ITGBL1: variants seen among roughly 807,000 people sequenced by gnomAD.
ITGBL1 encodes the protein integrin subunit beta like 1, also known as integrin beta-like protein 1.
Under a neutral mutation model 68.5 loss-of-function variants are expected in ITGBL1, and 51 were observed. The observed-to-expected ratio is 0.74, with a 90% CI of 0.59 to 0.94. The LOEUF (loss-of-function observed/expected upper bound fraction) is 0.94. ITGBL1 is among the 40% of genes least tolerant of loss of function. The pLI is 0.00. For synonymous variants in ITGBL1, 209 were observed against 227.3 expected, an observed-to-expected ratio of 0.92 and a Z score of 0.72; for missense variants, 649 against 647.4, an observed-to-expected ratio of 1.00 and a Z score of -0.03.
intron 2 of ITGBL1, among the ~76,000 whole-genome samples, chr13:101,529,211 G>A (rs886629542): frequency 1.3e-5 from 2 of 151,688 alleles, no homozygotes; most frequent in African/African-American, 4.8e-5. Context: ...GAGAGAAATT[G>A]AAACGTGGAA....
intron 2 of ITGBL1, among the ~76,000 whole-genome samples, chr13:101,522,277 A>T (rs2049299038): frequency 6.6e-6 from 1 of 152,194 alleles, no homozygotes; most frequent in South Asian, 2.1e-4. Context: ...ATGTAGCATT[A>T]AAAAATGTCT....
intron 1 of ITGBL1, among the ~76,000 whole-genome samples, chr13:101,453,366 C>T (rs2048190472): frequency 6.6e-6 from 1 of 152,082 alleles, no homozygotes; most frequent in African/African-American, 2.4e-5. Context: ...AAGTAGAGTT[C>T]CTAAAGACTG....
chr13:101,552,943 G>C (rs1422740821), intron 2 of ITGBL1, among the ~76,000 whole-genome samples: 3 of 152,170 alleles, frequency 2.0e-5, no homozygotes, highest in African/African-American at 4.8e-5. Context: ...CTTCTCCTCA[G>C]GCATAATTTG....
At chr13:101,599,443 A>T (rs1352234429) in intron 7 of ITGBL1, among the ~76,000 whole-genome samples, 1 of 151,142 alleles carries the variant, frequency 6.6e-6, no homozygotes, top group Admixed American at 6.6e-5. Flanking sequence ...TAGTTTAATT[A>T]GATCCCATTT....
chr13:101,617,496 G>T (rs895963848), intron 7 of ITGBL1, among the ~76,000 whole-genome samples: 4 of 152,086 alleles, frequency 2.6e-5, no homozygotes, highest in African/African-American at 7.2e-5. Context: ...ATGCTCATAT[G>T]AGTACAACCT....
intron 7 of ITGBL1, among the ~76,000 whole-genome samples, chr13:101,657,368 G>A (rs1566778781): frequency 2.6e-5 from 4 of 152,216 alleles, no homozygotes; most frequent in Admixed American, 6.5e-5. Flanking sequence ...AATCAATGAT[G>A]ATATGCTAGC....
rs117009410 is a variant in ITGBL1 at position 101,608,423 on chromosome 13, A to G, written c.1015+10124A>G. Among the ~76,000 whole-genome samples the G allele has an allele frequency of 5.5e-3, 817 of 149,192 alleles. 4 individuals are homozygous for G. Among genetic ancestry groups the G allele is most frequent in the Non-Finnish European group, 8.3e-3 (557 of 67,352 alleles). On this transcript the variant is annotated intron_variant, in intron 7 of 10. Transcript: ENST00000376180. ...TGTTTTTTACTCTATGTAATTTTGG[A>G]CAGCTGAATCATTACCTTTCTTATT...
At chr13:101,465,042 T>G (rs2048365359) in intron 2 of ITGBL1, among the ~76,000 whole-genome samples, 1 of 152,212 alleles carries the variant, frequency 6.6e-6, no homozygotes, top group Non-Finnish European at 1.5e-5. Context: ...TTTGGGTGAT[T>G]CATAATTGGA....
chr13:101,505,071 C>A (rs2049005803), intron 2 of ITGBL1, among the ~76,000 whole-genome samples: 2 of 152,148 alleles, frequency 1.3e-5, no homozygotes, highest in Admixed American at 1.3e-4. Flanking sequence ...TCTCTCAAGC[C>A]TCCCTACTTA....
rs573140729 is a variant in ITGBL1, at chr13:101,520,703, C to T, written c.317-46996C>T. On this transcript the variant is annotated intron_variant, in intron 2 of 10. Transcript: ENST00000376180. ...GCCTCGCTGGAACCAAGGGATTTAG[C>T]AAATGCTAGGAAAGAAAAGCAAGTT... 2.6e-5 allele frequency among the ~76,000 whole-genome samples: 4 copies of T among 152,264 alleles called. No individual in the cohort carries two copies. In the South Asian group the frequency reaches 8.3e-4, roughly 32 times the overall value.
At chr13:101,465,065 T>C (rs747965560) in intron 2 of ITGBL1, among the ~76,000 whole-genome samples, 26 of 152,240 alleles carry the variant, frequency 1.7e-4, no homozygotes, top group Non-Finnish European at 3.7e-4. Flanking sequence ...CTTTTTTCAC[T>C]ATGGAGTTAA....
intron 2 of ITGBL1, among the ~76,000 whole-genome samples, chr13:101,545,127 C>T (rs1317177523): frequency 2.0e-5 from 3 of 152,202 alleles, no homozygotes; most frequent in African/African-American, 4.8e-5. Flanking sequence ...CAAAAATCGC[C>T]CATCTTCTGC....
chr13:101,646,801 A>G (rs759631067), intron 7 of ITGBL1, among the ~76,000 whole-genome samples: 12 of 152,186 alleles, frequency 7.9e-5, no homozygotes, highest in Non-Finnish European at 1.8e-4. Flanking sequence ...AAACTTTTCA[A>G]AGGACAGTGA....
At chr13:101,625,293 T>C (rs753233516) in intron 7 of ITGBL1, among the ~76,000 whole-genome samples, 5 of 152,214 alleles carry the variant, frequency 3.3e-5, no homozygotes, top group Non-Finnish European at 5.9e-5. Flanking sequence ...TAGTTATAAA[T>C]GGGTGGATTC....
intron 2 of ITGBL1, among the ~76,000 whole-genome samples, chr13:101,511,548 G>C (rs2139111659): frequency 6.6e-6 from 1 of 152,222 alleles, no homozygotes; most frequent in Non-Finnish European, 1.5e-5. Context: ...AATTTTACTG[G>C]GTGGGGTTGA....
At chr13:101,583,109 G>GT (rs1306977756) in intron 5 of ITGBL1, 107 bp from the exon 6 acceptor site, 16 of 1,154,588 alleles carry the variant, frequency 1.4e-5, no homozygotes, top group African/African-American at 9.2e-5. Context: ...GAATATATGT[G>GT]TTTTTTTCAA....
At chr13:101,629,781 C>A (rs923972748) in intron 7 of ITGBL1, among the ~76,000 whole-genome samples, 1 of 151,982 alleles carries the variant, frequency 6.6e-6, no homozygotes, top group Non-Finnish European at 1.5e-5. Context: ...ATATAGACAG[C>A]CCCATTTTCC....
At chr13:101,630,289 T>G (rs1241823303) in intron 7 of ITGBL1, among the ~76,000 whole-genome samples, 1 of 152,242 alleles carries the variant, frequency 6.6e-6, no homozygotes, top group African/African-American at 2.4e-5. Context: ...ATATTTATTT[T>G]GAAAATAAAA....
At chr13:101,650,345 T>C (rs906692068) in intron 7 of ITGBL1, among the ~76,000 whole-genome samples, 25 of 152,176 alleles carry the variant, frequency 1.6e-4, no homozygotes, top group Non-Finnish European at 3.7e-4. Context: ...ATATACATTT[T>C]TTTTTCTTGT....
Sources: gnomAD v4.1 joint callset for allele counts (sites outside exome capture counted in the v4.1 genomes callset) on GRCh38, gnomAD v4.1.1 for gene constraint, MANE v1.5 for transcripts, NCBI Gene and HGNC (gene_info 2026-07-23, HGNC 2026-07-21) for gene names.